Variants in RHOBTB2 observed in about 807,000 individuals in gnomAD.
RHOBTB2 encodes the protein Rho related BTB domain containing 2.
A neutral mutation model predicts 66.5 loss-of-function variants in RHOBTB2; 39 were observed. The observed-to-expected ratio is 0.59, with a 90% CI of 0.45 to 0.77. The LOEUF (loss-of-function observed/expected upper bound fraction) is 0.77. Ranked by LOEUF, RHOBTB2 falls within the 30% of genes least tolerant of loss-of-function variation. The probability of loss-of-function intolerance (pLI) is 0.00; values close to 1 mark genes in which losing one functional copy is unlikely to be tolerated. For missense variants in RHOBTB2, 755 were observed against 999.1 expected (o/e 0.76, Z 3.29); for synonymous variants, 390 against 395.0 (o/e 0.99, Z 0.15).
chr8:22,984,954 A>G (rs1274427402), upstream of RHOBTB2: 1 of 92,204 alleles, frequency 1.1e-5, no homozygotes, highest in African/African-American at 3.6e-5. Flanking sequence ...GAGTGTTTTC[A>G]GTTTAGGAAA....
chr8:23,002,606 C>G (rs1050797219), intron 1 of RHOBTB2, among the ~76,000 whole-genome samples: 1 of 152,224 alleles, frequency 6.6e-6, no homozygotes, highest in Admixed American at 6.5e-5. Flanking sequence ...AGGAGAATCA[C>G]TTGAACCCAG....
chr8:23,018,248 AAGG>A lies in RHOBTB2; in HGVS notation c.*781_*783del, dbSNP rs1229921168. On this transcript the variant is annotated 3_prime_UTR_variant, in exon 10 of 10. Coordinates refer to ENST00000251822, the MANE Select transcript of RHOBTB2 (RefSeq NM_015178.3). Reference sequence around the variant, plus strand: ...AAGGAAGCAGCTGGGACAGGTGGAGAAGGAAGTAGGAATGAGTGCACGGCGACC... The same window carrying A: ...AAGGAAGCAGCTGGGACAGGTGGAGAAAGTAGGAATGAGTGCACGGCGACC... The A allele has an allele frequency of 6.6e-6, 1 of 152,548 alleles. No homozygotes were observed. The highest frequency in any genetic ancestry group is 6.5e-5 in the Admixed American group (1 of 15,272). 9.4% of individuals were successfully genotyped at this position (152,548 alleles called of 1,614,324 possible). A position where few individuals can be genotyped will look rare whatever the true frequency, so the allele number is the denominator to read the frequency against.
chr8:22,974,422 C>T, the RHOBTB2 span, among the ~76,000 whole-genome samples: 4 of 152,308 alleles, frequency 2.6e-5, no homozygotes, highest in East Asian at 3.9e-4. Context: ...GGTGGCCTGC[C>T]GGCTCTTTGT....
chr8:23,017,637 C>T lies in RHOBTB2; in HGVS notation c.*168C>T. The T allele has an allele frequency of 8.8e-7, 1 of 1,131,626 alleles. No homozygotes were observed. Among genetic ancestry groups the T allele is most frequent in the Non-Finnish European group, 1.2e-6 (1 of 814,988 alleles). The allele number at this position is 1,131,626 out of a possible 1,614,324, so 70.1% of individuals were successfully genotyped here. ...CCACCGTGGCTCAGCCAGAGAGGAG[C>T]TGAGCCCTGTGGAGCAGAACGGGAA... On this transcript the variant is annotated 3_prime_UTR_variant, in exon 10 of 10. Coordinates refer to ENST00000251822, the MANE Select transcript of RHOBTB2 (RefSeq NM_015178.3). This position sits in a 1 kb window ranked among gnomAD's most constrained non-coding sequence, Gnocchi z 5.3.
the RHOBTB2 span, among the ~76,000 whole-genome samples, chr8:22,979,733 C>CTTTTTTTTTTTTTTTTTTTTTTTT: frequency 8.8e-6 from 1 of 113,684 alleles, no homozygotes; most frequent in Non-Finnish European, 1.8e-5. Flanking sequence ...CTTTTCTTTT[C>CTTTTTTTTTTTTTTTTTTTTTTTT]TTTTCTTTCT....
At position 23,014,768 on chromosome 8, in the gene RHOBTB2, A is replaced by G. The variant is rs1369072537; in HGVS notation, c.1850A>G (p.Glu617Gly). The G allele has an allele frequency of 1.9e-6, 3 of 1,613,864 alleles. No individual in the cohort carries two copies. The South Asian group carries it at 3.3e-5, about 18-fold the overall frequency. The change falls in exon 8 of 10, where the codon GAA becomes GGA. Residue 617 changes from glutamate (E) to glycine (G), a missense_variant. Glu to Gly is a moderately conservative substitution (Grantham distance 98). Transcript: ENST00000251822. ...DIDGDVLVFL[E>G]LAQFHCAYQL... is the part of the protein sequence containing the mutation. ...GATGGGGACGTCCTTGTGTTCCTGGAACTGGCTCAGGTATCATGGCAGGGG... is the reference window on the plus strand; with the variant it reads ...GATGGGGACGTCCTTGTGTTCCTGGGACTGGCTCAGGTATCATGGCAGGGG...
At chr8:22,963,533 GA>G in the RHOBTB2 span, among the ~76,000 whole-genome samples, 61,549 of 147,126 alleles carry the variant, frequency 0.42, 13,786 homozygotes, top group East Asian at 0.59. Context: ...TTAACAAAGT[GA>G]AAAAAAAAAA....
intron 7 of RHOBTB2, among the ~76,000 whole-genome samples, chr8:23,011,083 G>A (rs768806450): frequency 1.3e-4 from 20 of 152,140 alleles, no homozygotes; most frequent in African/African-American, 2.2e-4. Context: ...CATGAAACCC[G>A]TCTCTACTAA....
chr8:22,957,946 A>T, the RHOBTB2 span, among the ~76,000 whole-genome samples: 1 of 152,296 alleles, frequency 6.6e-6, no homozygotes, highest in African/African-American at 2.4e-5. Context: ...CAGACCCCCA[A>T]TAAATGTGTT....
intron 1 of RHOBTB2, among the ~76,000 whole-genome samples, chr8:22,989,422 C>T (rs914189985): frequency 2.0e-5 from 3 of 152,216 alleles, no homozygotes; most frequent in Admixed American, 6.5e-5. Context: ...GTTGGGATTA[C>T]AGGCATAAGC....
chr8:23,001,331 G>T (rs1810772585), intron 1 of RHOBTB2, among the ~76,000 whole-genome samples: 1 of 149,352 alleles, frequency 6.7e-6, no homozygotes, highest in Non-Finnish European at 1.5e-5. Flanking sequence ...AGGGGAAGCT[G>T]AGAGGCTCAC....
the RHOBTB2 span, among the ~76,000 whole-genome samples, chr8:22,974,000 C>T: frequency 6.7e-6 from 1 of 150,050 alleles, no homozygotes; most frequent in Admixed American, 6.6e-5. Flanking sequence ...TTCCGGGGCT[C>T]CCAGCCAGCT....
chr8:22,970,298 A>G, the RHOBTB2 span, among the ~76,000 whole-genome samples: 1 of 152,178 alleles, frequency 6.6e-6, no homozygotes. Flanking sequence ...CACGGCACCA[A>G]GCCTCTTTTA....
the RHOBTB2 span, among the ~76,000 whole-genome samples, chr8:22,971,838 G>A: frequency 6.9e-6 from 1 of 145,806 alleles, no homozygotes; most frequent in Non-Finnish European, 1.5e-5. Context: ...TCCTGCTTCA[G>A]CTATCCCCTT....
At chr8:22,963,668 C>A in the RHOBTB2 span, among the ~76,000 whole-genome samples, 1 of 152,166 alleles carries the variant, frequency 6.6e-6, no homozygotes, top group Admixed American at 6.6e-5. Context: ...GGAAGCCTCA[C>A]AATCATGGCG....
rs1585200480 is a variant in RHOBTB2 at position 23,019,373 on chromosome 8, G to C, written c.*1904G>C. 6.5e-6 allele frequency: 1 copy of C among 152,764 alleles called. No individual in the cohort carries two copies. The highest frequency in any genetic ancestry group is 1.5e-5 in the Non-Finnish European group (1 of 68,674). 9.5% of individuals were successfully genotyped at this position (152,764 alleles called of 1,614,324 possible). A position where few individuals can be genotyped will look rare whatever the true frequency, so the allele number is the denominator to read the frequency against. ...GCTGCCTCCCCTCCACGGCCTCCAGGGCGGCTGGCTGGAAAGCCACGCGTA... is the reference window on the plus strand; with the variant it reads ...GCTGCCTCCCCTCCACGGCCTCCAGCGCGGCTGGCTGGAAAGCCACGCGTA... On this transcript the variant is annotated 3_prime_UTR_variant, in exon 10 of 10. Coordinates refer to ENST00000251822, the MANE Select transcript of RHOBTB2 (RefSeq NM_015178.3).
At chr8:22,954,007 GCTAT>G in the RHOBTB2 span, among the ~76,000 whole-genome samples, 2 of 152,164 alleles carry the variant, frequency 1.3e-5, no homozygotes, top group African/African-American at 2.4e-5. Flanking sequence ...GTGAATAATC[GCTAT>G]CTAATTGATC....
upstream of RHOBTB2, among the ~76,000 whole-genome samples, chr8:22,983,448 T>C (rs1810243432): frequency 6.7e-6 from 1 of 150,136 alleles, no homozygotes; most frequent in Admixed American, 6.6e-5. Context: ...GCCAGGAGTT[T>C]GAGGTATGGC....
the RHOBTB2 span, among the ~76,000 whole-genome samples, chr8:22,952,608 T>C: frequency 4.9e-4 from 75 of 152,178 alleles, no homozygotes; most frequent in East Asian, 0.011. Context: ...TGAAAGTGTA[T>C]TCCAAAGCTT....
Sources: allele counts gnomAD v4.1 joint callset (sites outside exome capture counted in the v4.1 genomes callset), GRCh38; gene constraint gnomAD v4.1.1; non-coding constraint Gnocchi (gnomAD v3.1); transcripts MANE v1.5; gene names NCBI Gene and HGNC (gene_info 2026-07-23, HGNC 2026-07-21).